ATP5MF: variants seen among roughly 807,000 people sequenced by gnomAD.
ATP5MF encodes the protein ATP synthase membrane subunit f.
A neutral mutation model predicts 13.8 loss-of-function variants in ATP5MF; 10 were observed. That is an observed-to-expected ratio of 0.72 (90% CI 0.45 to 1.23). ATP5MF has a LOEUF of 1.23. Ranked by LOEUF, ATP5MF falls within the 50% of genes most tolerant of loss-of-function variation. The pLI is 0.00. For missense variants in ATP5MF, 122 were observed against 118.2 expected, an observed-to-expected ratio of 1.03 and a Z score of -0.15; for synonymous variants, 40 against 45.8, an observed-to-expected ratio of 0.87 and a Z score of 0.51.
At position 99,460,205 on chromosome 7, in the gene ATP5MF, G is replaced by A. The variant is rs1798536923; in HGVS notation, c.32-12C>T. The A allele has an allele frequency of 6.2e-6, 10 of 1,612,672 alleles. No individual in the cohort carries two copies. The highest frequency in any genetic ancestry group is 1.7e-5 in the Admixed American group (1 of 59,634). ...GTCCTTCACTGGTACTGAAACGGAAGAGTGAGAAAAAATACCCACTGAATA... is the reference window on the plus strand; with the variant it reads ...GTCCTTCACTGGTACTGAAACGGAAAAGTGAGAAAAAATACCCACTGAATA... On this transcript the variant is annotated splice_polypyrimidine_tract_variant and intron_variant, in intron 1 of 3. Coordinates refer to ENST00000292475, the MANE Select transcript of ATP5MF (RefSeq NM_004889.5).
rs183965728 is a variant in ATP5MF, at chr7:99,459,796, C to T, written c.139+290G>A. 176 of 368,868 alleles carry T rather than the reference C, an allele frequency of 4.8e-4. 1 individual carries two copies. Among genetic ancestry groups the T allele is most frequent in the Non-Finnish European group, 7.9e-4 (160 of 203,612 alleles). The allele number at this position is 368,868 out of a possible 1,614,324, so 22.8% of individuals were successfully genotyped here. A position where few individuals can be genotyped will look rare whatever the true frequency, so the allele number is the denominator to read the frequency against. ...TTATAGACTAATGCCCACTACGGTT[C>T]CAATTCATTTTCCTCTTAAAGAAGT... is the stretch of plus-strand genomic sequence containing the variant. On this transcript the variant is annotated intron_variant, in intron 2 of 3. Coordinates refer to ENST00000292475, the MANE Select transcript of ATP5MF (RefSeq NM_004889.5).
chr7:99,462,865 C>T (rs749742149), intron 1 of ATP5MF, among the ~76,000 whole-genome samples: 1 of 152,256 alleles, frequency 6.6e-6, no homozygotes, highest in South Asian at 2.1e-4. Context: ...ACTCTACACA[C>T]ACCCGCTCCT....
intron 1 of ATP5MF, among the ~76,000 whole-genome samples, chr7:99,463,028 A>G (rs1196099685): frequency 1.3e-5 from 2 of 152,232 alleles, no homozygotes; most frequent in Non-Finnish European, 2.9e-5. Flanking sequence ...ACTCCTTCTC[A>G]GTTTCCTCCT....
intron 1 of ATP5MF, among the ~76,000 whole-genome samples, chr7:99,461,791 G>A (rs1798612923): frequency 6.6e-6 from 1 of 151,892 alleles, no homozygotes; most frequent in South Asian, 2.1e-4. Context: ...CTGAGTAGCT[G>A]GGACTACAGG....
At chr7:99,464,560 G>T (rs1798760689) in intron 1 of ATP5MF, among the ~76,000 whole-genome samples, 1 of 152,172 alleles carries the variant, frequency 6.6e-6, no homozygotes, top group Admixed American at 6.5e-5. Context: ...CTACTCAGGA[G>T]GCTGAGGCAG....
At chr7:99,462,883 A>G (rs941978454) in intron 1 of ATP5MF, among the ~76,000 whole-genome samples, 2 of 152,236 alleles carry the variant, frequency 1.3e-5, no homozygotes, top group Admixed American at 1.3e-4. Context: ...CCTCTGCAGC[A>G]CTGAAGCTTC....
At chr7:99,458,505 C>A in intron 3 of ATP5MF, 150 bp from the exon 4 acceptor site, 2 of 779,822 alleles carry the variant, frequency 2.6e-6, no homozygotes, top group South Asian at 4.0e-5. Flanking sequence ...TCTGCAGAAT[C>A]AGCAGACCCG....
chr7:99,458,242 G>T lies in ATP5MF; in HGVS notation c.*85C>A, dbSNP rs1802244. On this transcript the variant is annotated 3_prime_UTR_variant, in exon 4 of 4. Transcript: ENST00000292475. ...GGTTAATTCCTATTAGGATATGAAA[G>T]GATTCAGCAACGATTGAGATTGTGT... is the stretch of plus-strand genomic sequence containing the variant. The T allele has an allele frequency of 2.2e-5, 31 of 1,382,190 alleles. No homozygotes were observed. Among genetic ancestry groups the T allele is most frequent in the Non-Finnish European group, 2.9e-5 (29 of 994,772 alleles). The allele number at this position is 1,382,190 out of a possible 1,614,324, so 85.6% of individuals were successfully genotyped here. A position where few individuals can be genotyped will look rare whatever the true frequency, so the allele number is the denominator to read the frequency against.
At chr7:99,461,499 AT>A (rs1439880598) in intron 1 of ATP5MF, among the ~76,000 whole-genome samples, 19 of 152,258 alleles carry the variant, frequency 1.2e-4, no homozygotes, top group Middle Eastern at 3.4e-3. Context: ...TTTCTTCTCC[AT>A]TTTGAGATCA....
chr7:99,462,655 G>A (rs1320786250), intron 1 of ATP5MF, among the ~76,000 whole-genome samples: 1 of 152,148 alleles, frequency 6.6e-6, no homozygotes, highest in African/African-American at 2.4e-5. Flanking sequence ...TGTGCCTGTA[G>A]TCCCCGCTAC....
chr7:99,459,860 C>G, intron 2 of ATP5MF: 1 of 529,390 alleles, frequency 1.9e-6, no homozygotes, highest in East Asian at 3.3e-5. Flanking sequence ...CATACTGATT[C>G]CAAGCAACAG....
intron 1 of ATP5MF, among the ~76,000 whole-genome samples, chr7:99,463,712 G>T (rs1798716446): frequency 6.6e-6 from 1 of 152,114 alleles, no homozygotes; most frequent in Non-Finnish European, 1.5e-5. Flanking sequence ...GGAGGTGGAG[G>T]TTGCACTGAG....
intron 2 of ATP5MF, chr7:99,459,757 A>T (rs1269838118): frequency 3.5e-6 from 1 of 284,114 alleles, no homozygotes; most frequent in Non-Finnish European, 6.6e-6. Context: ...TCTGGCAGGG[A>T]GGAGAGCATC....
chr7:99,462,423 G>A (rs1798657789), intron 1 of ATP5MF, among the ~76,000 whole-genome samples: 1 of 150,772 alleles, frequency 6.6e-6, no homozygotes, highest in Admixed American at 6.6e-5. Flanking sequence ...AGCTGAGATT[G>A]TGCCACTACA....
rs755643883 is a variant in ATP5MF, at chr7:99,460,496, A to G, written c.32-303T>C. ...AAAAAGCAGTAACGTGGCGGACAGG[A>G]AAGATTACTGCAAAGCTAACATTTA... On this transcript the variant is annotated intron_variant, in intron 1 of 3. Coordinates refer to ENST00000292475, the MANE Select transcript of ATP5MF (RefSeq NM_004889.5). 3 of 615,962 alleles carry G rather than the reference A, an allele frequency of 4.9e-6. No homozygotes were observed. In the Admixed American group the frequency reaches 5.5e-5, roughly 11 times the overall value. The allele number at this position is 615,962 out of a possible 1,614,324, so 38.2% of individuals were successfully genotyped here.
intron 1 of ATP5MF, among the ~76,000 whole-genome samples, chr7:99,464,136 C>T (rs1584535443): frequency 1.3e-5 from 2 of 152,224 alleles, no homozygotes; most frequent in South Asian, 4.1e-4. Context: ...CTGTGGGCCA[C>T]GCAGCGTTCC....
chr7:99,460,142 C>T lies in ATP5MF; in HGVS notation c.83G>A (p.Ser28Asn). 6.2e-7 allele frequency: 1 copy of T among 1,614,210 alleles called. No homozygotes were observed. Among genetic ancestry groups the T allele is most frequent in the African/African-American group, 1.3e-5 (1 of 75,066 alleles). The change falls in exon 2 of 4, where the codon AGC becomes AAC. Residue 28 changes from serine (S) to asparagine (N), a missense_variant. Physicochemically the swap from Ser to Asn is conservative, Grantham distance 46. Coordinates refer to ENST00000292475, the MANE Select transcript of ATP5MF (RefSeq NM_004889.5). Reference protein sequence around the residue: ...LLEVKLGELPSWILMRDFSPS... With the variant: ...LLEVKLGELPNWILMRDFSPS... Reference sequence around the variant, plus strand: ...ACTGAAGTCCCGCATCAAGATCCAGCTTGGCAGCTCCCCCAGTTTGACCTC... The same window carrying T: ...ACTGAAGTCCCGCATCAAGATCCAGTTTGGCAGCTCCCCCAGTTTGACCTC...
intron 3 of ATP5MF, chr7:99,458,842 G>A (rs1206600964): frequency 2.9e-6 from 1 of 343,278 alleles, no homozygotes. Context: ...TTCTGCATTG[G>A]CTACTAGGAA....
At chr7:99,458,817 T>C (rs911304701) in intron 3 of ATP5MF, 3 of 340,862 alleles carry the variant, frequency 8.8e-6, no homozygotes, top group Non-Finnish European at 1.6e-5. Context: ...ATTATCCCAC[T>C]CAACTCATTT....
Sources: allele counts gnomAD v4.1 joint callset (sites outside exome capture counted in the v4.1 genomes callset), GRCh38; gene constraint gnomAD v4.1.1; transcripts MANE v1.5; gene names NCBI Gene and HGNC (gene_info 2026-07-23, HGNC 2026-07-21).